NUBP2: variants seen among roughly 807,000 people sequenced by gnomAD.
The protein encoded by NUBP2 is cytosolic Fe-S cluster assembly factor NUBP2.
NUBP2 carries 23 observed loss-of-function variants against 24.9 expected under a neutral mutation model. That is an observed-to-expected ratio of 0.92 (90% CI 0.66 to 1.31). The LOEUF is 1.31. Ranked by LOEUF, NUBP2 falls within the 50% of genes most tolerant of loss-of-function variation. NUBP2 has a pLI of 0.00. For synonymous variants in NUBP2, 186 were observed against 170.9 expected (o/e 1.09, Z -0.69); for missense variants, 403 against 386.5 (o/e 1.04, Z -0.36).
intron 1 of NUBP2, 199 bp from the exon 2 acceptor site, chr16:1,786,338 T>A (rs1896964297): frequency 1.7e-6 from 1 of 595,288 alleles, no homozygotes; most frequent in Admixed American, 3.0e-5. Context: ...TCTTAGAGGG[T>A]CCCCCCGGGT....
Position 1,788,969 on chromosome 16 carries a change from T to C in NUBP2, c.*255T>C, listed in dbSNP as rs1897132619. 1 of 486,698 alleles carries C rather than the reference T, an allele frequency of 2.1e-6. No homozygotes were observed. The highest frequency in any genetic ancestry group is 3.6e-6 in the Non-Finnish European group (1 of 276,242). The allele number at this position is 486,698 out of a possible 1,614,324, so 30.1% of individuals were successfully genotyped here. A position where few individuals can be genotyped will look rare whatever the true frequency, so the allele number is the denominator to read the frequency against. ...GCGGCCTGGGCTCTCTTCCCATCCA[T>C]GTTGCCTACCTGTGCCCCTGGCAGC... On this transcript the variant is annotated 3_prime_UTR_variant, in exon 7 of 7. Transcript: ENST00000262302.
At position 1,782,968 on chromosome 16, in the gene NUBP2, G is replaced by A. The variant is rs1266597715; in HGVS notation, c.-53G>A. The A allele has an allele frequency of 7.1e-6, 10 of 1,412,912 alleles. No homozygotes were observed. The highest frequency in any genetic ancestry group is 8.3e-6 in the Non-Finnish European group (9 of 1,082,686). 87.5% of individuals were successfully genotyped at this position (1,412,912 alleles called of 1,614,324 possible). Reference sequence around the variant, plus strand: ...GGCCCTTCGCTCTAGCTGGGAGGCTGACGGCCCGCGGGCGTAAGCGGACTG... The same window carrying A: ...GGCCCTTCGCTCTAGCTGGGAGGCTAACGGCCCGCGGGCGTAAGCGGACTG... On this transcript the variant is annotated 5_prime_UTR_variant, in exon 1 of 7. Transcript: ENST00000262302.
chr16:1,784,177 ACCT>A (rs1896853857), intron 1 of NUBP2: 2 of 357,386 alleles, frequency 5.6e-6, no homozygotes, highest in Non-Finnish European at 7.8e-6. Context: ...TGCAGCCTTG[ACCT>A]CCTGGGCTCA....
rs1896995996 is a variant in NUBP2, at chr16:1,786,825, T to C, written c.204T>C (p.Ala68=). The C allele has an allele frequency of 6.2e-7, 1 of 1,602,890 alleles. No homozygotes were observed. The highest frequency in any genetic ancestry group is 8.5e-7 in the Non-Finnish European group (1 of 1,172,646). Residue 68 remains alanine (A), a synonymous_variant, in exon 3 of 7, where the codon GCT becomes GCC. Coordinates refer to ENST00000262302, the MANE Select transcript of NUBP2 (RefSeq NM_012225.4). ...GCATGCTCGGGGCGCAGGGCAGGGCTGTGCACCAGTGCGACCGCGGCTGGG... is the reference window on the plus strand; with the variant it reads ...GCATGCTCGGGGCGCAGGGCAGGGCCGTGCACCAGTGCGACCGCGGCTGGG... ...IPRMLGAQGR[A]VHQCDRGWAP...
chr16:1,787,676 G>A lies in NUBP2; in HGVS notation c.335-1G>A. The A allele has an allele frequency of 6.2e-7, 1 of 1,612,326 alleles. No homozygotes were observed. The highest frequency in any genetic ancestry group is 8.5e-7 in the Non-Finnish European group (1 of 1,179,838). The stretch of plus-strand genomic sequence containing the variant: ...CCGCCCCGTCTGCCCCGTCTTTGCA[G>A]CGCTGATAAAGCAGTTTGTGTCCGA... On this transcript the variant is annotated splice_acceptor_variant, in intron 3 of 6. Transcript: ENST00000262302. LOFTEE classifies it high-confidence loss of function.
At chr16:1,788,378 G>A (rs553881690) in intron 6 of NUBP2, among the ~76,000 whole-genome samples, 171 bp downstream of exon 6, 3 of 152,146 alleles carry the variant, frequency 2.0e-5, no homozygotes, top group South Asian at 2.1e-4. Flanking sequence ...TCATTCGCCC[G>A]CGCCCTTCTC....
chr16:1,782,981 C>T lies in NUBP2; in HGVS notation c.-40C>T. The stretch of plus-strand genomic sequence containing the variant: ...AGCTGGGAGGCTGACGGCCCGCGGG[C>T]GTAAGCGGACTGCAGCCGCGAGCTC... On this transcript the variant is annotated 5_prime_UTR_variant, in exon 1 of 7. Coordinates refer to ENST00000262302, the MANE Select transcript of NUBP2 (RefSeq NM_012225.4). 8 of 1,402,422 alleles carry T rather than the reference C, an allele frequency of 5.7e-6. No individual in the cohort carries two copies. The South Asian group carries it at 8.7e-5, about 15-fold the overall frequency. 86.9% of individuals were successfully genotyped at this position (1,402,422 alleles called of 1,614,324 possible). A position where few individuals can be genotyped will look rare whatever the true frequency, so the allele number is the denominator to read the frequency against.
rs373205601 is a variant in NUBP2, at chr16:1,788,145, C to T, written c.608C>T (p.Thr203Ile). 1.5e-5 allele frequency: 23 copies of T among 1,548,182 alleles called. No homozygotes were observed. The African/African-American group carries it at 2.6e-4, about 18-fold the overall frequency. ...CTCACCACCGTCTCCTAGGAGTGCA[C>T]CAGCGTCTTCTCCAGGGGCGGCGGA... Reference protein sequence around the residue: ...GFTCPHCTECTSVFSRGGGEE... With the variant: ...GFTCPHCTECISVFSRGGGEE... The change falls in exon 6 of 7, where the codon ACC (threonine) becomes ATC (isoleucine). Residue 203 changes from threonine (T) to isoleucine (I), a missense_variant. Physicochemically the swap from Thr to Ile is moderately conservative, Grantham distance 89. Coordinates refer to ENST00000262302, the MANE Select transcript of NUBP2 (RefSeq NM_012225.4).
chr16:1,786,277 A>C, intron 1 of NUBP2: 1 of 521,116 alleles, frequency 1.9e-6, no homozygotes, highest in Non-Finnish European at 3.4e-6. Flanking sequence ...GGAGTTGGGC[A>C]GTTTCCACTC....
Position 1,787,998 on chromosome 16 carries a change from C to A in NUBP2, c.547C>A (p.Arg183=). Residue 183 remains arginine, a synonymous_variant, in exon 5 of 7, where the codon CGG becomes AGG. Transcript: ENST00000262302. ...ELTFCRKTGL[R]VMGIVENMSG... is the part of the protein sequence containing the mutation. ...GACCTTCTGTAGGAAGACGGGCTTG[C>A]GGGTGATGGGAATCGTGGAGAATAT... The A allele has an allele frequency of 6.2e-7, 1 of 1,604,768 alleles. No individual in the cohort carries two copies. The highest frequency in any genetic ancestry group is 1.3e-5 in the African/African-American group (1 of 74,348).
In NUBP2 at chr16:1,787,747, G is replaced by A. The variant is rs144072283; in HGVS notation, c.405G>A (p.Pro135=). Residue 135 remains proline, a synonymous_variant, in exon 4 of 7, where the codon CCG becomes CCA. Coordinates refer to ENST00000262302, the MANE Select transcript of NUBP2 (RefSeq NM_012225.4). ...ACTACCTGGTGGTGGACACGCCCCC[G>A]GGGACCTCCGATGAGCACATGGCCA... is the stretch of plus-strand genomic sequence containing the variant. ...ELDYLVVDTP[P]GTSDEHMATI... is the part of the protein sequence containing the mutation. The A allele has an allele frequency of 1.3e-4, 216 of 1,612,512 alleles. No individual in the cohort carries two copies. Among genetic ancestry groups the A allele is most frequent in the African/African-American group, 4.3e-4 (32 of 75,042 alleles).
In NUBP2 at chr16:1,788,151, T is replaced by C; in HGVS notation, c.614T>C (p.Val205Ala). 1 of 1,547,586 alleles carries C rather than the reference T, an allele frequency of 6.5e-7. No homozygotes were observed. The highest frequency in any genetic ancestry group is 8.7e-7 in the Non-Finnish European group (1 of 1,151,252). Residue 205 changes from valine (V) to alanine (A), a missense_variant, in exon 6 of 7, where the codon GTC (valine) becomes GCC (alanine). Physicochemically the swap from Val to Ala is moderately conservative, Grantham distance 64 (BLOSUM62 0). Coordinates refer to ENST00000262302, the MANE Select transcript of NUBP2 (RefSeq NM_012225.4). ...TCPHCTECTS[V>A]FSRGGGEELA... ...ACCGTCTCCTAGGAGTGCACCAGCG[T>C]CTTCTCCAGGGGCGGCGGAGAGGAG...
rs142216546 is a variant in NUBP2, at chr16:1,788,200, C to T, written c.663C>T (p.Pro221=). The T allele has an allele frequency of 2.0e-6, 3 of 1,492,930 alleles. No individual in the cohort carries two copies. The highest frequency in any genetic ancestry group is 1.8e-4 in the Middle Eastern group (1 of 5,542). The allele number at this position is 1,492,930 out of a possible 1,614,324, so 92.5% of individuals were successfully genotyped here. A position where few individuals can be genotyped will look rare whatever the true frequency, so the allele number is the denominator to read the frequency against. ...GEELAQLAGV[P]FLGSVPLDPA... is the part of the protein sequence containing the mutation. Reference sequence around the variant, plus strand: ...AGCTGGCCCAGCTCGCCGGGGTGCCCTTCTTAGGTGAGTGTCCCAAGCTGG... The same window carrying T: ...AGCTGGCCCAGCTCGCCGGGGTGCCTTTCTTAGGTGAGTGTCCCAAGCTGG... Residue 221 remains proline (P), a synonymous_variant, in exon 6 of 7, where the codon CCC becomes CCT. Transcript: ENST00000262302.
Position 1,788,860 on chromosome 16 carries a change from A to G in NUBP2, c.*146A>G, listed in dbSNP as rs572497646. 1.2e-4 allele frequency: 126 copies of G among 1,065,578 alleles called. No individual in the cohort carries two copies. Among genetic ancestry groups the G allele is most frequent in the Non-Finnish European group, 1.5e-4 (115 of 769,564 alleles). 66.0% of individuals were successfully genotyped at this position (1,065,578 alleles called of 1,614,324 possible). A position where few individuals can be genotyped will look rare whatever the true frequency, so the allele number is the denominator to read the frequency against. ...CGGAGAGCTTCTCCCCGACCAGCCC[A>G]GCCCCAGGATGTGTCGCACCAGCAG... On this transcript the variant is annotated 3_prime_UTR_variant, in exon 7 of 7. Transcript: ENST00000262302.
chr16:1,788,705 C>T lies in NUBP2; in HGVS notation c.807C>T (p.Cys269=), dbSNP rs1376337103. 1 of 1,610,148 alleles carries T rather than the reference C, an allele frequency of 6.2e-7. No homozygotes were observed. The highest frequency in any genetic ancestry group is 8.5e-7 in the Non-Finnish European group (1 of 1,178,432). ...AQKILDATPA[C]LP is the part of the protein sequence containing the mutation. ...AGATTCTGGACGCGACGCCCGCGTG[C>T]CTCCCCTGACTAAGGCCACCTTGCA... The change falls in exon 7 of 7, where the codon TGC becomes TGT. Residue 269 remains cysteine, a synonymous_variant. Transcript: ENST00000262302.
intron 3 of NUBP2, chr16:1,787,467 C>T: frequency 1.5e-6 from 1 of 659,366 alleles, no homozygotes; most frequent in Non-Finnish European, 2.6e-6. Context: ...GGGCCAGACA[C>T]TGCAGAAAGG....
At chr16:1,783,471 C>T (rs1027384508) in intron 1 of NUBP2, 42 of 994,514 alleles carry the variant, frequency 4.2e-5, no homozygotes, top group Non-Finnish European at 4.7e-5. Context: ...CTTTTAAGTT[C>T]TTTGTGGAAG....
intron 1 of NUBP2, chr16:1,785,948 C>T: frequency 8.0e-7 from 1 of 1,251,594 alleles, no homozygotes; most frequent in Non-Finnish European, 1.0e-6. Context: ...ACAGCAGCCC[C>T]TGCCGTGTGG....
In NUBP2 at chr16:1,786,785, G is replaced by T. The variant is rs1297713694; in HGVS notation, c.164G>T (p.Gly55Val). The change falls in exon 3 of 7, where the codon GGC (glycine) becomes GTC (valine). Residue 55 changes from glycine to valine, a missense_variant. Transcript: ENST00000262302. ...KVGILDVDLCGPSIPRMLGAQ... is the reference protein window; with the variant it reads ...KVGILDVDLCVPSIPRMLGAQ... ...GGAATCCTGGATGTGGACCTGTGTGGCCCCAGTATCCCCCGCATGCTCGGG... is the reference window on the plus strand; with the variant it reads ...GGAATCCTGGATGTGGACCTGTGTGTCCCCAGTATCCCCCGCATGCTCGGG... The T allele has an allele frequency of 6.2e-7, 1 of 1,611,034 alleles. No individual in the cohort carries two copies. The highest frequency in any genetic ancestry group is 2.2e-5 in the East Asian group (1 of 44,796).
Sources: gnomAD v4.1 joint callset for allele counts (sites outside exome capture counted in the v4.1 genomes callset) on GRCh38, gnomAD v4.1.1 for gene constraint, MANE v1.5 for transcripts, NCBI Gene and HGNC (gene_info 2026-07-23, HGNC 2026-07-21) for gene names.